WDR33: variants seen among roughly 807,000 people sequenced by gnomAD.
WDR33 encodes the protein WD repeat domain 33, also known as pre-mRNA 3' end processing protein WDR33.
WDR33 carries 47 observed loss-of-function variants against 164.9 expected under a neutral mutation model. The ratio of observed to expected loss-of-function variants is 0.29; its 90% CI spans 0.23 to 0.36. The LOEUF is 0.36. Ranked by LOEUF, WDR33 falls within the 10% of genes least tolerant of loss-of-function variation. The probability of loss-of-function intolerance (pLI) is 1.00; values close to 1 mark genes in which losing one functional copy is unlikely to be tolerated. For missense variants in WDR33, 1,137 were observed against 1,754.1 expected, an observed-to-expected ratio of 0.65 and a Z score of 6.28; for synonymous variants, 505 against 589.0, an observed-to-expected ratio of 0.86 and a Z score of 2.06.
chr2:127,732,537 G>A (rs1354215889), intron 7 of WDR33, among the ~76,000 whole-genome samples: 1 of 152,152 alleles, frequency 6.6e-6, no homozygotes, highest in Non-Finnish European at 1.5e-5. Context: ...GGACAGGCTG[G>A]TCAAACACTT....
At chr2:127,797,572 G>A (rs887898019) in intron 1 of WDR33, among the ~76,000 whole-genome samples, 6 of 152,092 alleles carry the variant, frequency 3.9e-5, no homozygotes, top group African/African-American at 7.2e-5. Context: ...GTAAAAGTGG[G>A]AACACTAAAC....
At chr2:127,794,589 T>C (rs995150695) in intron 1 of WDR33, among the ~76,000 whole-genome samples, 1 of 151,688 alleles carries the variant, frequency 6.6e-6, no homozygotes, top group Non-Finnish European at 1.5e-5. Flanking sequence ...TCCCAGCACT[T>C]TGGGAAGCCA....
At chr2:127,797,772 G>A (rs1417734868) in intron 1 of WDR33, among the ~76,000 whole-genome samples, 4 of 152,194 alleles carry the variant, frequency 2.6e-5, no homozygotes, top group African/African-American at 9.7e-5. Flanking sequence ...AACACTTCGG[G>A]AGGCTGAGGA....
intron 8 of WDR33, among the ~76,000 whole-genome samples, chr2:127,725,536 C>T (rs916411401): frequency 6.6e-6 from 1 of 152,120 alleles, no homozygotes; most frequent in Non-Finnish European, 1.5e-5. Context: ...CAGTTCAAGA[C>T]CAGCCTGGCC....
rs1686219660 is a variant in WDR33, at chr2:127,713,116, A to G, written c.3308+467T>C. On this transcript the variant is annotated intron_variant, in intron 18 of 21. Coordinates refer to ENST00000322313, the MANE Select transcript of WDR33 (RefSeq NM_018383.5). The surrounding 1 kb of genome is among the most constrained non-coding windows in gnomAD (Gnocchi z 6.2). ...CCTTAAACTCCCCAAGAATGCTGAG[A>G]TGAGTGTTCAAGCCTGATCTAAGTT... Among the ~76,000 whole-genome samples the G allele has an allele frequency of 6.6e-6, 1 of 152,224 alleles. No individual in the cohort carries two copies. The highest frequency in any genetic ancestry group is 2.1e-4 in the South Asian group (1 of 4,826).
chr2:127,799,933 T>C (rs1462631244), intron 1 of WDR33, among the ~76,000 whole-genome samples: 1 of 152,078 alleles, frequency 6.6e-6, no homozygotes, highest in Non-Finnish European at 1.5e-5. Context: ...AGATAACACT[T>C]CACATCCACT....
intron 7 of WDR33, among the ~76,000 whole-genome samples, chr2:127,757,589 C>A (rs1386485788): frequency 6.6e-6 from 1 of 151,992 alleles, no homozygotes; most frequent in Non-Finnish European, 1.5e-5. Flanking sequence ...GCTTTTAATA[C>A]TAAAAGCATG....
Position 127,702,115 on chromosome 2 carries a change from T to G in WDR33, c.*4208A>C. On this transcript the variant is annotated 3_prime_UTR_variant, in exon 22 of 22. Coordinates refer to ENST00000322313, the MANE Select transcript of WDR33 (RefSeq NM_018383.5). The stretch of plus-strand genomic sequence containing the variant: ...CTGCCCTGGGGCGGCGGCACCGCGC[T>G]GCGCCTCGCACTGGGTCGCCTGGGC... 2 of 1,218,756 alleles carry G rather than the reference T, an allele frequency of 1.6e-6. No individual in the cohort carries two copies. Among genetic ancestry groups the G allele is most frequent in the Non-Finnish European group, 2.0e-6 (2 of 981,532 alleles). 75.5% of individuals were successfully genotyped at this position (1,218,756 alleles called of 1,614,324 possible).
intron 1 of WDR33, among the ~76,000 whole-genome samples, chr2:127,774,724 G>C (rs1275369285): frequency 6.6e-6 from 1 of 152,090 alleles, no homozygotes; most frequent in African/African-American, 2.4e-5. Flanking sequence ...CGGCTACTCG[G>C]GAGGCTGAGG....
intron 1 of WDR33, among the ~76,000 whole-genome samples, chr2:127,809,428 CTTTTTTTTTTTTTT>C (rs70985478): frequency 2.1e-5 from 2 of 94,616 alleles, no homozygotes; most frequent in Non-Finnish European, 3.8e-5. Flanking sequence ...AGCCAAATTC[CTTTTTTTTTTTTTT>C]TTTTTTTTTT....
At chr2:127,753,653 G>T (rs1485980282) in intron 7 of WDR33, among the ~76,000 whole-genome samples, 2 of 152,232 alleles carry the variant, frequency 1.3e-5, no homozygotes, top group Non-Finnish European at 2.9e-5. Context: ...TACTTCCAAA[G>T]AATTGGTTTT....
At position 127,701,537 on chromosome 2, in the gene WDR33, C is replaced by G. The variant is rs374109151; in HGVS notation, c.*4786G>C. The stretch of plus-strand genomic sequence containing the variant: ...CCACCGCCTTGTCCAAGATGGCGGA[C>G]CTCCACCGCCAGCTGCAGGAGTACC... On this transcript the variant is annotated 3_prime_UTR_variant, in exon 22 of 22. Transcript: ENST00000322313. 3 of 1,339,538 alleles carry G rather than the reference C, an allele frequency of 2.2e-6. No individual in the cohort carries two copies. The highest frequency in any genetic ancestry group is 2.0e-5 in the South Asian group (1 of 50,986). 83.0% of individuals were successfully genotyped at this position (1,339,538 alleles called of 1,614,324 possible).
In WDR33 at chr2:127,701,244, A is replaced by C. The variant is rs13389788; in HGVS notation, c.*5079T>G. On this transcript the variant is annotated 3_prime_UTR_variant, in exon 22 of 22. Transcript: ENST00000322313. ...CCACACCCACCCCTGCCTTCCAACTATTAATGCTGGCAGGACTTAGCCAGA... is the reference window on the plus strand; with the variant it reads ...CCACACCCACCCCTGCCTTCCAACTCTTAATGCTGGCAGGACTTAGCCAGA... The C allele has an allele frequency of 4.4e-3, 1,194 of 270,394 alleles. 13 individuals are homozygous for C. The highest frequency in any genetic ancestry group is 0.025 in the African/African-American group (1,112 of 45,338). 16.7% of individuals were successfully genotyped at this position (270,394 alleles called of 1,614,324 possible).
rs1686324105 is a variant in WDR33 at position 127,717,245 on chromosome 2, G to A, written c.2779C>T (p.Pro927Ser). The A allele has an allele frequency of 6.3e-7, 1 of 1,599,244 alleles. No homozygotes were observed. The highest frequency in any genetic ancestry group is 8.5e-7 in the Non-Finnish European group (1 of 1,173,756). ...PFNQEGQSTGPPPLIPGLGQQ... is the reference protein window; with the variant it reads ...PFNQEGQSTGSPPLIPGLGQQ... ...CCTAGGCCTGGTATCAGGGGTGGGG[G>A]GCCTGTGCTCTGTCCTTCCTGAAAA... Residue 927 changes from proline (P) to serine (S), a missense_variant, in exon 17 of 22, where the codon CCC (proline) becomes TCC (serine). Pro to Ser is a moderately conservative substitution (Grantham distance 74). Around this residue, in one of 9 missense-constraint regions of WDR33, gnomAD observed 867 missense variants for 1,073.0 expected, o/e 0.81. Coordinates refer to ENST00000322313, the MANE Select transcript of WDR33 (RefSeq NM_018383.5). The surrounding 1 kb of genome is among the most constrained non-coding windows in gnomAD (Gnocchi z 5.6).
rs764610284 is a variant in WDR33 at position 127,770,745 on chromosome 2, T to A, written c.204+33A>T. The stretch of plus-strand genomic sequence containing the variant: ...TAAATAAATAAATAAATAACCAAAG[T>A]TTGGTCATCTGAAGCACATAAATCA... On this transcript the variant is annotated intron_variant, in intron 2 of 21. Transcript: ENST00000322313. This position sits in a 1 kb window ranked among gnomAD's most constrained non-coding sequence, Gnocchi z 4.9. 3 of 1,316,832 alleles carry A rather than the reference T, an allele frequency of 2.3e-6. No homozygotes were observed. The highest frequency in any genetic ancestry group is 3.1e-6 in the Non-Finnish European group (3 of 974,394). 81.6% of individuals were successfully genotyped at this position (1,316,832 alleles called of 1,614,324 possible).
chr2:127,788,293 G>A (rs1196173876), intron 1 of WDR33, among the ~76,000 whole-genome samples: 1 of 128,962 alleles, frequency 7.8e-6, no homozygotes, highest in Non-Finnish European at 1.7e-5. Context: ...GCCGGGCGGG[G>A]GGCTGACCCC....
chr2:127,792,720 T>C (rs1462068502), intron 1 of WDR33, among the ~76,000 whole-genome samples: 2 of 151,852 alleles, frequency 1.3e-5, no homozygotes, highest in African/African-American at 4.8e-5. Context: ...TCATGAGAGA[T>C]AGTAAAACTT....
At position 127,811,074 on chromosome 2, in the gene WDR33, GTCTC is replaced by G. The variant is rs1689636204; in HGVS notation, c.-90_-87del. 1 of 152,704 alleles carries G rather than the reference GTCTC, an allele frequency of 6.5e-6. No individual in the cohort carries two copies. Among genetic ancestry groups the G allele is most frequent in the Non-Finnish European group, 1.5e-5 (1 of 68,060 alleles). The allele number at this position is 152,704 out of a possible 1,614,324, so 9.5% of individuals were successfully genotyped here. On this transcript the variant is annotated 5_prime_UTR_variant, in exon 1 of 22. Coordinates refer to ENST00000322313, the MANE Select transcript of WDR33 (RefSeq NM_018383.5). The surrounding 1 kb of genome is among the most constrained non-coding windows in gnomAD (Gnocchi z 4.1). ...AGCGTTCGCCTTCAGAGCCAGAAAT[GTCTC>G]TCTTGTTTGGTCTCCCCACCCCGAT... is the stretch of plus-strand genomic sequence containing the variant.
intron 7 of WDR33, among the ~76,000 whole-genome samples, chr2:127,750,478 C>A (rs1156725632): frequency 1.3e-5 from 2 of 149,774 alleles, no homozygotes; most frequent in East Asian, 4.0e-4. Context: ...GAAACCCCAT[C>A]GCTACTTAAA....
Sources: allele counts gnomAD v4.1 joint callset (sites outside exome capture counted in the v4.1 genomes callset), GRCh38; gene constraint gnomAD v4.1.1; regional missense constraint gnomAD v4.1.1; non-coding constraint Gnocchi (gnomAD v3.1); transcripts MANE v1.5; gene names NCBI Gene and HGNC (gene_info 2026-07-23, HGNC 2026-07-21).